Variants in CHLSN observed in about 807,000 individuals in gnomAD.
The protein encoded by CHLSN is cholesin.
At chr7:997,744 G>A in the CHLSN span, 24 of 1,611,030 alleles carry the variant, frequency 1.5e-5, no homozygotes, top group Admixed American at 3.4e-5. Flanking sequence ...GTCAGCTCTC[G>A]GGCCCGGCCC....
At chr7:1,104,914 G>A in the CHLSN span, among the ~76,000 whole-genome samples, 3 of 152,206 alleles carry the variant, frequency 2.0e-5, no homozygotes, top group African/African-American at 7.2e-5. Context: ...ATGTTATAAT[G>A]AAATAAGCTT....
the CHLSN span, among the ~76,000 whole-genome samples, chr7:981,770 G>A: frequency 6.6e-6 from 1 of 151,970 alleles, no homozygotes; most frequent in Non-Finnish European, 1.5e-5. Flanking sequence ...GCTTACACCT[G>A]CAATCCCAAC....
chr7:1,028,625 C>T, the CHLSN span: 4 of 978,818 alleles, frequency 4.1e-6, no homozygotes, highest in East Asian at 1.1e-4. Flanking sequence ...CCCCTGCCAG[C>T]TGCACGTACT....
chr7:979,802 G>A, the CHLSN span, among the ~76,000 whole-genome samples: 1 of 151,984 alleles, frequency 6.6e-6, no homozygotes, highest in African/African-American at 2.4e-5. Flanking sequence ...CTCAGTCTCT[G>A]GGACATTCTT....
the CHLSN span, among the ~76,000 whole-genome samples, chr7:1,130,250 T>C: frequency 6.6e-6 from 1 of 152,098 alleles, no homozygotes; most frequent in African/African-American, 2.4e-5. Context: ...TTGTGGACTG[T>C]GTGATGAGGG....
At chr7:1,020,073 A>C in the CHLSN span, among the ~76,000 whole-genome samples, 3 of 152,134 alleles carry the variant, frequency 2.0e-5, no homozygotes, top group African/African-American at 4.8e-5. Flanking sequence ...CTGAGGAGAG[A>C]TCCAAGGGCC....
At chr7:987,285 C>T in the CHLSN span, 1 of 1,507,452 alleles carries the variant, frequency 6.6e-7, no homozygotes, top group African/African-American at 1.4e-5. Context: ...CCTTCTGCCC[C>T]CGGGGGACCC....
the CHLSN span, among the ~76,000 whole-genome samples, chr7:1,068,917 G>C: frequency 6.6e-6 from 1 of 152,314 alleles, no homozygotes; most frequent in South Asian, 2.1e-4. Flanking sequence ...TGTGACCCCA[G>C]AGTACTCAGC....
chr7:1,137,018 G>A, the CHLSN span, among the ~76,000 whole-genome samples: 1 of 152,050 alleles, frequency 6.6e-6, no homozygotes, highest in Non-Finnish European at 1.5e-5. Flanking sequence ...TAAATCAGAT[G>A]GTGTGTCACC....
chr7:983,321 C>T, the CHLSN span: 36 of 1,540,316 alleles, frequency 2.3e-5, no homozygotes, highest in South Asian at 8.4e-5. Context: ...GGGCCTCGCC[C>T]GCTGCCGCTC....
the CHLSN span, among the ~76,000 whole-genome samples, chr7:1,052,876 C>A: frequency 1.3e-5 from 2 of 151,978 alleles, no homozygotes; most frequent in African/African-American, 4.8e-5. This position sits in a 1 kb window ranked among gnomAD's most constrained non-coding sequence, Gnocchi z 4.2. Flanking sequence ...GAGGGAGCCT[C>A]CAGAATCTTT....
the CHLSN span, among the ~76,000 whole-genome samples, chr7:1,129,860 C>A: frequency 4.6e-5 from 7 of 152,198 alleles, no homozygotes; most frequent in African/African-American, 1.7e-4. Flanking sequence ...AGAGAAATAC[C>A]ATTTTTAGTG....
chr7:986,557 C>G, the CHLSN span: 3 of 1,569,364 alleles, frequency 1.9e-6, no homozygotes, highest in African/African-American at 4.1e-5. Context: ...TGGGGACGAT[C>G]ACCGCCTGCC....
the CHLSN span, chr7:1,056,688 C>A: frequency 5.8e-4 from 89 of 152,398 alleles, no homozygotes; most frequent in African/African-American, 2.1e-3. Flanking sequence ...CTCCCGCAGC[C>A]GGCCTCCTCA....
At chr7:1,010,249 G>C in the CHLSN span, 2 of 1,039,656 alleles carry the variant, frequency 1.9e-6, no homozygotes, top group Non-Finnish European at 2.7e-6. Context: ...GTGGCCAAAA[G>C]CTCTGTCCCC....
At chr7:1,131,703 T>G in the CHLSN span, among the ~76,000 whole-genome samples, 1 of 152,198 alleles carries the variant, frequency 6.6e-6, no homozygotes, top group African/African-American at 2.4e-5. Flanking sequence ...TAAGAAAAGT[T>G]CAGCAAATAT....
the CHLSN span, among the ~76,000 whole-genome samples, chr7:1,124,749 A>C: frequency 0.23 from 34,156 of 150,998 alleles, 4,243 homozygotes; most frequent in Middle Eastern, 0.36. Flanking sequence ...AAAGCACAAA[A>C]AAAAAAAAAA....
the CHLSN span, among the ~76,000 whole-genome samples, chr7:1,005,852 T>TG: frequency 9.2e-5 from 14 of 152,050 alleles, no homozygotes; most frequent in African/African-American, 3.4e-4. Context: ...CTCTCTCCTG[T>TG]GGGGGCACCA....
At chr7:979,729 C>T in the CHLSN span, among the ~76,000 whole-genome samples, 9 of 149,914 alleles carry the variant, frequency 6.0e-5, no homozygotes, top group East Asian at 9.7e-4. Flanking sequence ...AGGGAAACTC[C>T]GTCTCAAAAA....
Sources: gnomAD v4.1 joint callset for allele counts (sites outside exome capture counted in the v4.1 genomes callset) on GRCh38, gnomAD v4.1.1 for gene constraint, Gnocchi (gnomAD v3.1) non-coding constraint, MANE v1.5 for transcripts, NCBI Gene and HGNC (gene_info 2026-07-23, HGNC 2026-07-21) for gene names.